Variants in CTNNA3 observed in about 807,000 individuals in gnomAD.
CTNNA3 encodes the protein catenin alpha-3.
A neutral mutation model predicts 95.7 loss-of-function variants in CTNNA3; 76 were observed. The ratio of observed to expected loss-of-function variants is 0.79; its 90% CI spans 0.66 to 0.96. The LOEUF is 0.96. Among genes scored for constraint, CTNNA3 ranks in the 40% least tolerant of loss-of-function variants. The pLI, the probability that CTNNA3 is intolerant of heterozygous loss-of-function variation, is 0.00. For synonymous variants in CTNNA3, 431 were observed against 374.4 expected (o/e 1.15, Z -1.74); for missense variants, 1,191 against 1,089.8 (o/e 1.09, Z -1.31).
At chr10:66,229,938 CT>C (rs1421940407) in intron 13 of CTNNA3, among the ~76,000 whole-genome samples, 2 of 151,764 alleles carry the variant, frequency 1.3e-5, no homozygotes, top group Non-Finnish European at 2.9e-5. Flanking sequence ...CTTTTCTCCT[CT>C]TTTTTGTCTC....
intron 13 of CTNNA3, among the ~76,000 whole-genome samples, chr10:66,193,411 A>C (rs953567977): frequency 2.6e-5 from 4 of 152,166 alleles, no homozygotes; most frequent in Admixed American, 2.6e-4. Context: ...AAGATCAAGC[A>C]AGGCAAATAC....
chr10:66,571,189 C>T (rs1159970659), intron 10 of CTNNA3, among the ~76,000 whole-genome samples: 5 of 152,260 alleles, frequency 3.3e-5, no homozygotes, highest in Middle Eastern at 3.4e-3. Context: ...TAAGTTGTAT[C>T]GAAGCATTTG....
At chr10:67,419,514 T>C (rs1285582882) in intron 5 of CTNNA3, among the ~76,000 whole-genome samples, 1 of 152,148 alleles carries the variant, frequency 6.6e-6, no homozygotes, top group Non-Finnish European at 1.5e-5. Flanking sequence ...CCAGCCCACT[T>C]CACCCTCTAG....
chr10:66,715,657 A>G (rs1848427163), intron 9 of CTNNA3, among the ~76,000 whole-genome samples: 1 of 152,188 alleles, frequency 6.6e-6, no homozygotes, highest in Non-Finnish European at 1.5e-5. Context: ...GCAATATTTG[A>G]TAGCATACCT....
At chr10:66,488,323 A>T (rs1424210331) in intron 11 of CTNNA3, among the ~76,000 whole-genome samples, 2 of 152,192 alleles carry the variant, frequency 1.3e-5, no homozygotes, top group Non-Finnish European at 2.9e-5. Flanking sequence ...TGAGTTAGAG[A>T]TAAAGCCTAG....
intron 7 of CTNNA3, among the ~76,000 whole-genome samples, chr10:66,823,756 A>T (rs749770756): frequency 1.1e-4 from 17 of 152,220 alleles, no homozygotes; most frequent in Non-Finnish European, 2.5e-4. Context: ...AATTGAATTT[A>T]GGAAGTAGAT....
chr10:66,078,514 T>C (rs962964534), intron 14 of CTNNA3, among the ~76,000 whole-genome samples: 6 of 151,910 alleles, frequency 3.9e-5, no homozygotes, highest in African/African-American at 1.4e-4. Flanking sequence ...TTCAGGACAC[T>C]ATATTCGCAC....
chr10:67,727,548 G>T (rs1323879721), intron 1 of CTNNA3, among the ~76,000 whole-genome samples: 1 of 122,780 alleles, frequency 8.1e-6, no homozygotes, highest in Admixed American at 9.8e-5. Flanking sequence ...ATATATAATA[G>T]ATCATATATA....
chr10:66,533,632 A>G (rs1487473753), intron 10 of CTNNA3, among the ~76,000 whole-genome samples: 1 of 152,146 alleles, frequency 6.6e-6, no homozygotes, highest in Non-Finnish European at 1.5e-5. Context: ...GAAAGTGCCA[A>G]ATAGAATCCC....
chr10:67,108,873 C>T (rs1395881406), intron 7 of CTNNA3, among the ~76,000 whole-genome samples: 1 of 152,060 alleles, frequency 6.6e-6, no homozygotes. Flanking sequence ...GAAAAAATTA[C>T]CCCTTCCCAC....
rs149211186 is a variant in CTNNA3, at chr10:65,988,709, G to C, written c.2248C>G (p.Arg750Gly). The C allele has an allele frequency of 6.2e-7, 1 of 1,613,298 alleles. No individual in the cohort carries two copies. The highest frequency in any genetic ancestry group is 1.3e-5 in the African/African-American group (1 of 74,862). The change falls in exon 16 of 18, where the codon CGG becomes GGG. Residue 750 changes from arginine to glycine, a missense_variant. Coordinates refer to ENST00000433211, the MANE Select transcript of CTNNA3 (RefSeq NM_013266.4). ...ESGSRMDVLA[R>G]QIANQCPDPS... ...TAACTCACCTGATTAGCAATCTGCC[G>C]AGCAAGGACATCCATCCTTGATCCT...
At chr10:66,154,719 C>CACATATATATATATATATAT (rs1554870345) in intron 13 of CTNNA3, among the ~76,000 whole-genome samples, 1 of 74,812 alleles carries the variant, frequency 1.3e-5, no homozygotes, top group African/African-American at 5.5e-5. Flanking sequence ...TGAAAAAGTT[C>CACATATATATATATATATAT]ATATATATAT....
chr10:65,936,839 T>C lies in CTNNA3; in HGVS notation c.2401-16222A>G, dbSNP rs138885661. 4.2e-3 allele frequency among the ~76,000 whole-genome samples: 637 copies of C among 152,142 alleles called. 5 individuals are homozygous for C. Among genetic ancestry groups the C allele is most frequent in the African/African-American group, 0.015 (611 of 41,546 alleles). On this transcript the variant is annotated intron_variant, in intron 17 of 17. Transcript: ENST00000433211. ...TCATATCTACCTAATGAAGTAGACA[T>C]GACAATTACATAAATTATACGGTTA...
intron 17 of CTNNA3, among the ~76,000 whole-genome samples, chr10:65,959,352 A>G (rs1375316302): frequency 6.6e-6 from 1 of 152,106 alleles, no homozygotes; most frequent in East Asian, 1.9e-4. Context: ...GGGTGAGGCA[A>G]TGCCCCTCCC....
intron 5 of CTNNA3, among the ~76,000 whole-genome samples, chr10:67,261,442 A>C (rs1866601570): frequency 6.6e-6 from 1 of 152,170 alleles, no homozygotes; most frequent in Non-Finnish European, 1.5e-5. Flanking sequence ...CAGAAATACC[A>C]ACACTGTGGT....
intron 5 of CTNNA3, among the ~76,000 whole-genome samples, chr10:67,248,076 T>G (rs926369615): frequency 1.3e-5 from 2 of 152,116 alleles, no homozygotes; most frequent in African/African-American, 4.8e-5. Context: ...ATCCCAACAC[T>G]TTGGGAAGCT....
intron 12 of CTNNA3, among the ~76,000 whole-genome samples, chr10:66,346,246 T>TAGAG (rs371257440): frequency 2.8e-3 from 78 of 27,738 alleles, no homozygotes; most frequent in Middle Eastern, 0.018. Context: ...TATATATATA[T>TAGAG]AGAGAGAGAG....
At chr10:66,270,868 A>G (rs912620664) in intron 13 of CTNNA3, among the ~76,000 whole-genome samples, 16 of 152,180 alleles carry the variant, frequency 1.1e-4, no homozygotes, top group African/African-American at 3.9e-4. Flanking sequence ...CAGCAGGCCA[A>G]TGTGTCTGAA....
At chr10:67,236,849 C>T (rs1197371618) in intron 5 of CTNNA3, among the ~76,000 whole-genome samples, 2 of 151,192 alleles carry the variant, frequency 1.3e-5, no homozygotes, top group African/African-American at 4.8e-5. Context: ...GGCATGGATG[C>T]AGTGATCAGG....
Sources: allele counts gnomAD v4.1 joint callset (sites outside exome capture counted in the v4.1 genomes callset), GRCh38; gene constraint gnomAD v4.1.1; transcripts MANE v1.5; gene names NCBI Gene and HGNC (gene_info 2026-07-23, HGNC 2026-07-21).